The following OSBPL3 variants were observed in gnomAD, a reference collection of about 807,000 sequenced individuals.
The protein encoded by OSBPL3 is oxysterol-binding protein-related protein 3.
In OSBPL3, 65 loss-of-function variants were observed where a neutral mutation model predicts 120.1. The ratio of observed to expected loss-of-function variants is 0.54; its 90% confidence interval spans 0.44 to 0.67. The LOEUF (loss-of-function observed/expected upper bound fraction) is 0.67. OSBPL3 is among the 30% of genes least tolerant of loss of function. OSBPL3 has a pLI of 0.00. For synonymous variants in OSBPL3, 416 were observed against 402.6 expected (o/e 1.03, Z -0.40); for missense variants, 1,004 against 1,082.1 (o/e 0.93, Z 1.01).
chr7:24,861,655 A>T lies in OSBPL3; in HGVS notation c.985T>A (p.Phe329Ile). ...YSDGSETSSE[F>I]SKMQEDLCHI... ...CACAGATCTTCTTGCATTTTAGAAA[A>T]CTCTGATGAGGTTTCAGAGCCATCA... The change falls in exon 10 of 23, where the codon TTT becomes ATT. Residue 329 changes from phenylalanine to isoleucine, a missense_variant. By Grantham distance (21) the Phe-to-Ile change is conservative. Coordinates refer to ENST00000313367, the MANE Select transcript of OSBPL3 (RefSeq NM_015550.4). 6.2e-7 allele frequency: 1 copy of T among 1,606,478 alleles called. No homozygotes were observed. Among genetic ancestry groups the T allele is most frequent in the Non-Finnish European group, 8.5e-7 (1 of 1,176,808 alleles).
chr7:24,941,627 G>C (rs1235335203), intron 1 of OSBPL3, among the ~76,000 whole-genome samples: 1 of 152,136 alleles, frequency 6.6e-6, no homozygotes, highest in African/African-American at 2.4e-5. Flanking sequence ...CCTGCATCCC[G>C]TAAGATAGGT....
rs1806440770 is a variant in OSBPL3 at position 24,898,096 on chromosome 7, T to C, written c.-149-5475A>G. ...AATAAAATTATTCAAATCCAAGTTA[T>C]GCATCTTTTTACAAATGGTACCCTC... On this transcript the variant is annotated intron_variant, in intron 1 of 22. Transcript: ENST00000313367. This position sits in a 1 kb window ranked among gnomAD's most constrained non-coding sequence, Gnocchi z 4.3. Among the ~76,000 whole-genome samples, 1 of 152,234 alleles carries C rather than the reference T, an allele frequency of 6.6e-6. No individual in the cohort carries two copies. Among genetic ancestry groups the C allele is most frequent in the African/African-American group, 2.4e-5 (1 of 41,456 alleles).
chr7:24,833,693 C>T lies in OSBPL3; in HGVS notation c.1746+793G>A, dbSNP rs116740190. Among the ~76,000 whole-genome samples, 305 of 152,276 alleles carry T rather than the reference C, an allele frequency of 2.0e-3. 1 individual carries two copies. Among genetic ancestry groups the T allele is most frequent in the African/African-American group, 6.5e-3 (269 of 41,556 alleles). ...TCCCATAGAGACAATGACCTTACTG[C>T]TCTAAGGTCACTGAATATAAGGAAG... On this transcript the variant is annotated intron_variant, in intron 15 of 22. Transcript: ENST00000313367. This position sits in a 1 kb window ranked among gnomAD's most constrained non-coding sequence, Gnocchi z 4.4.
At chr7:24,929,314 G>A (rs76671950) in intron 1 of OSBPL3, among the ~76,000 whole-genome samples, 3,468 of 152,244 alleles carry the variant, frequency 0.023, 67 homozygotes, top group South Asian at 0.072. Context: ...GATCAGGGTC[G>A]TTGTCGTAAA....
chr7:24,941,203 T>C (rs555185953), intron 1 of OSBPL3, among the ~76,000 whole-genome samples: 24 of 152,210 alleles, frequency 1.6e-4, no homozygotes, highest in Admixed American at 3.3e-4. Flanking sequence ...TAAGAAATGT[T>C]GCCCTGAACC....
intron 1 of OSBPL3, among the ~76,000 whole-genome samples, chr7:24,920,773 T>A (rs933932814): frequency 6.6e-5 from 10 of 152,136 alleles, no homozygotes; most frequent in Non-Finnish European, 1.5e-4. Flanking sequence ...CGGATCAGCC[T>A]ATATAAAGCC....
rs1584333630 is a variant in OSBPL3 at position 24,842,271 on chromosome 7, G to A, written c.1401+8C>T. ...TTTGAGGCACCATACTGTAAACATT[G>A]CTCAAACCTCGTTTTCTGAAGAGCT... is the stretch of plus-strand genomic sequence containing the variant. On this transcript the variant is annotated splice_region_variant and intron_variant, in intron 13 of 22. Coordinates refer to ENST00000313367, the MANE Select transcript of OSBPL3 (RefSeq NM_015550.4). 1 of 1,612,274 alleles carries A rather than the reference G, an allele frequency of 6.2e-7. No individual in the cohort carries two copies. Among genetic ancestry groups the A allele is most frequent in the Middle Eastern group, 1.7e-4 (1 of 6,060 alleles).
chr7:24,915,578 A>AT (rs575722030), intron 1 of OSBPL3, among the ~76,000 whole-genome samples: 3,639 of 144,212 alleles, frequency 0.025, 46 homozygotes, highest in African/African-American at 0.039. Flanking sequence ...CCAAACATTA[A>AT]TTTTTTTTTT....
Position 24,852,502 on chromosome 7 carries a change from A to T in OSBPL3, c.1158+2T>A, listed in dbSNP as rs1799280522. The T allele has an allele frequency of 1.9e-6, 3 of 1,569,538 alleles. No individual in the cohort carries two copies. The highest frequency in any genetic ancestry group is 2.6e-6 in the Non-Finnish European group (3 of 1,164,928). On this transcript the variant is annotated splice_donor_variant, in intron 11 of 22. Transcript: ENST00000313367. LOFTEE classifies it high-confidence loss of function. This position sits in a 1 kb window ranked among gnomAD's most constrained non-coding sequence, Gnocchi z 4.1. ...ATTCCTGGAGGCAGACATGTAACTT[A>T]CGGATGACAGGGCGTTCTTCAGACC...
At position 24,834,360 on chromosome 7, in the gene OSBPL3, C is replaced by T; in HGVS notation, c.1746+126G>A. On this transcript the variant is annotated intron_variant, in intron 15 of 22. Coordinates refer to ENST00000313367, the MANE Select transcript of OSBPL3 (RefSeq NM_015550.4). This position sits in a 1 kb window ranked among gnomAD's most constrained non-coding sequence, Gnocchi z 5.2. ...AAGCCAGACAGCTCTGAGTAATGAA[C>T]CTGTTTACGGAACAATCAAAATGAA... 1.3e-6 allele frequency: 2 copies of T among 1,507,412 alleles called. No homozygotes were observed. Among genetic ancestry groups the T allele is most frequent in the Non-Finnish European group, 1.8e-6 (2 of 1,128,410 alleles). 93.4% of individuals were successfully genotyped at this position (1,507,412 alleles called of 1,614,324 possible). A position where few individuals can be genotyped will look rare whatever the true frequency, so the allele number is the denominator to read the frequency against.
chr7:24,872,184 G>T lies in OSBPL3; in HGVS notation c.97-115C>A, dbSNP rs1234775406. 1.1e-5 allele frequency: 8 copies of T among 737,700 alleles called. No homozygotes were observed. The highest frequency in any genetic ancestry group is 1.8e-5 in the African/African-American group (1 of 56,638). 45.7% of individuals were successfully genotyped at this position (737,700 alleles called of 1,614,324 possible). On this transcript the variant is annotated intron_variant, in intron 2 of 22. Transcript: ENST00000313367. The surrounding 1 kb of genome is among the most constrained non-coding windows in gnomAD (Gnocchi z 4.1). ...CAAGATGGGGAGGCTGGCTGGGTTT[G>T]TTGGGGAGAAGAAATCCAAATTTAA...
chr7:24,826,707 C>T (rs541452366), intron 16 of OSBPL3, among the ~76,000 whole-genome samples: 1 of 152,272 alleles, frequency 6.6e-6, no homozygotes, highest in East Asian at 1.9e-4. Flanking sequence ...ATCATGAATG[C>T]ACGGAGCACT....
At chr7:24,814,857 G>T (rs1226924593) in intron 19 of OSBPL3, among the ~76,000 whole-genome samples, 1 of 152,252 alleles carries the variant, frequency 6.6e-6, no homozygotes, top group Non-Finnish European at 1.5e-5. Context: ...ATGGAGGACA[G>T]ACCTTAGGGG....
chr7:24,962,485 G>GAGGAGGAGAT (rs1203363095), intron 1 of OSBPL3, among the ~76,000 whole-genome samples: 1 of 149,958 alleles, frequency 6.7e-6, no homozygotes. Flanking sequence ...GAGGAGGAGA[G>GAGGAGGAGAT]CAGAGGAGAC....
chr7:24,927,470 C>G (rs986010281), intron 1 of OSBPL3, among the ~76,000 whole-genome samples: 1 of 152,168 alleles, frequency 6.6e-6, no homozygotes, highest in African/African-American at 2.4e-5. Context: ...TATTATTTTA[C>G]TTGCATATAT....
In OSBPL3 at chr7:24,947,192, C is replaced by G. The variant is rs1191944887; in HGVS notation, c.-150+32694G>C. On this transcript the variant is annotated intron_variant, in intron 1 of 22. Coordinates refer to ENST00000313367, the MANE Select transcript of OSBPL3 (RefSeq NM_015550.4). The surrounding 1 kb of genome is among the most constrained non-coding windows in gnomAD (Gnocchi z 4.4). ...AGGTTCTAAGATTCTAAGGTCCCTTCTAAGAAAGCCTTCTATAATTCCATA... is the reference window on the plus strand; with the variant it reads ...AGGTTCTAAGATTCTAAGGTCCCTTGTAAGAAAGCCTTCTATAATTCCATA... Among the ~76,000 whole-genome samples, 1 of 152,150 alleles carries G rather than the reference C, an allele frequency of 6.6e-6. No homozygotes were observed. The highest frequency in any genetic ancestry group is 1.5e-5 in the Non-Finnish European group (1 of 68,014).
At chr7:24,945,931 T>C (rs1813670397) in intron 1 of OSBPL3, among the ~76,000 whole-genome samples, 1 of 152,234 alleles carries the variant, frequency 6.6e-6, no homozygotes. Flanking sequence ...ACATAGCAGC[T>C]ATTTTATCTG....
In OSBPL3 at chr7:24,849,901, G is replaced by C. The variant is rs1319080374; in HGVS notation, c.1159-725C>G. ...ACCTGGGAGGCTGACAGATGTTGCAGCGAGCTGAGATTGCGGCCTGGGTGA... is the reference window on the plus strand; with the variant it reads ...ACCTGGGAGGCTGACAGATGTTGCACCGAGCTGAGATTGCGGCCTGGGTGA... On this transcript the variant is annotated intron_variant, in intron 11 of 22. Transcript: ENST00000313367. This position sits in a 1 kb window ranked among gnomAD's most constrained non-coding sequence, Gnocchi z 5.4. Among the ~76,000 whole-genome samples the C allele has an allele frequency of 6.6e-6, 1 of 151,464 alleles. No individual in the cohort carries two copies. The highest frequency in any genetic ancestry group is 1.5e-5 in the Non-Finnish European group (1 of 67,950).
At chr7:24,880,285 G>A (rs913296159) in intron 2 of OSBPL3, among the ~76,000 whole-genome samples, 11 of 152,122 alleles carry the variant, frequency 7.2e-5, no homozygotes, top group African/African-American at 2.7e-4. Flanking sequence ...TGCAGACTGC[G>A]TCTTGAGATC....
Sources: allele counts gnomAD v4.1 joint callset (sites outside exome capture counted in the v4.1 genomes callset), GRCh38; gene constraint gnomAD v4.1.1; non-coding constraint Gnocchi (gnomAD v3.1); transcripts MANE v1.5; gene names NCBI Gene and HGNC (gene_info 2026-07-23, HGNC 2026-07-21).